Variants in KDELR2 observed in about 807,000 individuals in gnomAD.
KDELR2 encodes ER lumen protein-retaining receptor 2.
A neutral mutation model predicts 23.9 loss-of-function variants in KDELR2; 15 were observed. The ratio of observed to expected loss-of-function variants is 0.63; its 90% CI spans 0.42 to 0.97. The LOEUF is 0.97. Among genes scored for constraint, KDELR2 ranks in the 50% least tolerant of loss-of-function variants. KDELR2 has a pLI of 0.00. For missense variants in KDELR2, 272 were observed against 254.6 expected (o/e 1.07, Z -0.46); for synonymous variants, 119 against 106.2 (o/e 1.12, Z -0.74).
At chr7:6,464,734 C>CTTTTTTTT (rs201529691) in intron 4 of KDELR2, among the ~76,000 whole-genome samples, 1 of 111,232 alleles carries the variant, frequency 9.0e-6, no homozygotes, top group Non-Finnish European at 1.9e-5. Context: ...TCTTTTTTTT[C>CTTTTTTTT]TTTTTTTTTT....
At chr7:6,483,499 T>A (rs942238869) in intron 1 of KDELR2, among the ~76,000 whole-genome samples, 21 of 152,122 alleles carry the variant, frequency 1.4e-4, no homozygotes, top group Non-Finnish European at 5.9e-5. Flanking sequence ...CCTCCCGAGC[T>A]GGCTGGGCTG....
At position 6,484,005 on chromosome 7, in the gene KDELR2, A is replaced by G; in HGVS notation, c.53T>C (p.Ile18Thr). The change falls in exon 1 of 5, where the codon ATC (isoleucine) becomes ACC (threonine). Residue 18 changes from isoleucine to threonine, a missense_variant. Physicochemically the swap from Ile to Thr is moderately conservative, Grantham distance 89. Transcript: ENST00000258739. ...CGTCTTCCAGATCTTCAGCAGCAGG[A>G]TGACGATGGCCGCCAGGTGGGACAG... ...GDLSHLAAIV[I>T]LLLKIWKTRS... 6.5e-7 allele frequency: 1 copy of G among 1,530,922 alleles called. No homozygotes were observed. Among genetic ancestry groups the G allele is most frequent in the Non-Finnish European group, 8.8e-7 (1 of 1,136,682 alleles). The allele number at this position is 1,530,922 out of a possible 1,614,324, so 94.8% of individuals were successfully genotyped here. A position where few individuals can be genotyped will look rare whatever the true frequency, so the allele number is the denominator to read the frequency against.
At chr7:6,483,394 G>A (rs1021826441) in intron 1 of KDELR2, among the ~76,000 whole-genome samples, 14 of 152,300 alleles carry the variant, frequency 9.2e-5, no homozygotes, top group Non-Finnish European at 1.6e-4. Context: ...AACACTTAAG[G>A]ACAGGTCTGA....
chr7:6,474,863 C>T lies in KDELR2; in HGVS notation c.92-579G>A, dbSNP rs75709835. Reference sequence around the variant, plus strand: ...ACAAATTTTTTGTTCACCATGTTGCCCACACTGGTCTTGAACTCCTGGGCC... The same window carrying T: ...ACAAATTTTTTGTTCACCATGTTGCTCACACTGGTCTTGAACTCCTGGGCC... On this transcript the variant is annotated intron_variant, in intron 1 of 4. Transcript: ENST00000258739. Among the ~76,000 whole-genome samples the T allele has an allele frequency of 1.8e-3, 278 of 152,204 alleles. 1 individual carries two copies. The highest frequency in any genetic ancestry group is 6.4e-3 in the African/African-American group (265 of 41,522).
intron 1 of KDELR2, among the ~76,000 whole-genome samples, chr7:6,478,177 A>G (rs1460334891): frequency 4.0e-5 from 6 of 150,646 alleles, no homozygotes. Flanking sequence ...TTTTTTTGAG[A>G]CAGAACCTCA....
In KDELR2 at chr7:6,484,120, C is replaced by T. The variant is rs1302034326; in HGVS notation, c.-63G>A. On this transcript the variant is annotated 5_prime_UTR_variant, in exon 1 of 5. Coordinates refer to ENST00000258739, the MANE Select transcript of KDELR2 (RefSeq NM_006854.4). ...CCCCGGGGCTGGGCGGCTCAGGAGG[C>T]GGCGGCCCCTGAGAGGAAGCGGCGA... 43 of 1,216,940 alleles carry T rather than the reference C, an allele frequency of 3.5e-5. No homozygotes were observed. Among genetic ancestry groups the T allele is most frequent in the Admixed American group, 4.3e-5 (1 of 23,122 alleles). 75.4% of individuals were successfully genotyped at this position (1,216,940 alleles called of 1,614,324 possible).
chr7:6,483,927 C>T (rs1340029202), intron 1 of KDELR2, 40 bp downstream of exon 1: 1 of 1,427,972 alleles, frequency 7.0e-7, no homozygotes. Flanking sequence ...AGACCCGGCC[C>T]CCACGCCCGA....
chr7:6,468,225 C>A (rs1785543289), intron 3 of KDELR2, among the ~76,000 whole-genome samples: 1 of 152,172 alleles, frequency 6.6e-6, no homozygotes, highest in Non-Finnish European at 1.5e-5. Context: ...GAACATTGCA[C>A]TAGAGTTTGC....
rs374244486 is a variant in KDELR2 at position 6,463,017 on chromosome 7, A to G, written c.*124T>C. The G allele has an allele frequency of 9.0e-5, 146 of 1,614,222 alleles. No individual in the cohort carries two copies. The African/African-American group carries it at 1.6e-3, about 18-fold the overall frequency. On this transcript the variant is annotated 3_prime_UTR_variant, in exon 5 of 5. Transcript: ENST00000258739. ...CCTCTGCGTTTTTACAGAGCCACTG[A>G]TGACTATCTGCAACAAAAGAGTTAA...
At chr7:6,470,160 G>T (rs13239407) in intron 2 of KDELR2, 138,494 of 155,358 alleles carry the variant, frequency 0.89, 62,215 homozygotes, top group Non-Finnish European at 0.92. Context: ...CATCTGAGAG[G>T]CAACCAAACT....
At position 6,470,622 on chromosome 7, in the gene KDELR2, C is replaced by A. The variant is rs573742437; in HGVS notation, c.193-868G>T. On this transcript the variant is annotated intron_variant, in intron 2 of 4. Transcript: ENST00000258739. ...ATGTACCACAATAAACAATGTAGTA[C>A]AAAAGCACTCAGTGAGCCTGCTATA... Among the ~76,000 whole-genome samples, 8 of 152,180 alleles carry A rather than the reference C, an allele frequency of 5.3e-5. No homozygotes were observed. The East Asian group carries it at 1.5e-3, about 29-fold the overall frequency.
chr7:6,463,173 G>A lies in KDELR2; in HGVS notation c.607C>T (p.Leu203Phe). ...GGCAAACTGAGCTTCTTTCCCTTGA[G>A]TACTAGAATTTCAAAGAGAAGAAAA... ...DFFYLYITKVLKGKKLSLPA is the reference protein window; with the variant it reads ...DFFYLYITKVFKGKKLSLPA The change falls in exon 5 of 5, where the codon CTC (leucine) becomes TTC (phenylalanine). Residue 203 changes from leucine (L) to phenylalanine (F), a missense_variant and splice_region_variant. Physicochemically the swap from Leu to Phe is conservative, Grantham distance 22. Transcript: ENST00000258739. The A allele has an allele frequency of 6.2e-7, 1 of 1,607,938 alleles. No homozygotes were observed. The highest frequency in any genetic ancestry group is 8.5e-7 in the Non-Finnish European group (1 of 1,178,208).
At chr7:6,478,645 G>A (rs1332693217) in intron 1 of KDELR2, among the ~76,000 whole-genome samples, 2 of 151,998 alleles carry the variant, frequency 1.3e-5, no homozygotes, top group Non-Finnish European at 2.9e-5. Flanking sequence ...CTTTAGCTTT[G>A]ATACTATTCT....
intron 1 of KDELR2, among the ~76,000 whole-genome samples, chr7:6,480,026 A>G (rs908513148): frequency 9.9e-5 from 15 of 152,234 alleles, no homozygotes; most frequent in African/African-American, 3.6e-4. Flanking sequence ...GGACACCATA[A>G]GATCCAGTAT....
At chr7:6,471,248 C>A (rs1483965847) in intron 2 of KDELR2, among the ~76,000 whole-genome samples, 1 of 118,130 alleles carries the variant, frequency 8.5e-6, no homozygotes, top group East Asian at 3.0e-4. Context: ...GTGGCACAAT[C>A]TCGGCTCACT....
rs375982460 is a variant in KDELR2 at position 6,466,057 on chromosome 7, C to A, written c.604+14G>T. 3.1e-6 allele frequency: 5 copies of A among 1,612,160 alleles called. No homozygotes were observed. The South Asian group carries it at 3.3e-5, about 11-fold the overall frequency. On this transcript the variant is annotated intron_variant, in intron 4 of 4. Coordinates refer to ENST00000258739, the MANE Select transcript of KDELR2 (RefSeq NM_006854.4). ...ACGTCACTCTAGAAACAACGCAGGT[C>A]GCACCCAACATACCTTTTGTAATGT...
intron 3 of KDELR2, among the ~76,000 whole-genome samples, chr7:6,467,680 G>C (rs185483023): frequency 5.3e-5 from 8 of 152,248 alleles, no homozygotes; most frequent in Non-Finnish European, 1.2e-4. Context: ...AGAATCGCTT[G>C]AACCCAGGAG....
rs1785983797 is a variant in KDELR2, at chr7:6,484,137, A to C, written c.-80T>G. The C allele has an allele frequency of 4.4e-6, 5 of 1,127,716 alleles. No homozygotes were observed. Among genetic ancestry groups the C allele is most frequent in the Non-Finnish European group, 4.5e-6 (4 of 889,708 alleles). 69.9% of individuals were successfully genotyped at this position (1,127,716 alleles called of 1,614,324 possible). On this transcript the variant is annotated 5_prime_UTR_variant, in exon 1 of 5. Coordinates refer to ENST00000258739, the MANE Select transcript of KDELR2 (RefSeq NM_006854.4). ...TCAGGAGGCGGCGGCCCCTGAGAGG[A>C]AGCGGCGAAGATGGCGAGATCGCCC...
At chr7:6,464,802 A>C (rs1366599995) in intron 4 of KDELR2, among the ~76,000 whole-genome samples, 1 of 139,096 alleles carries the variant, frequency 7.2e-6, no homozygotes, top group African/African-American at 2.7e-5. Context: ...ATGGCGTGAT[A>C]TCAGCTCACT....
Sources: gnomAD v4.1 joint callset for allele counts (sites outside exome capture counted in the v4.1 genomes callset) on GRCh38, gnomAD v4.1.1 for gene constraint, MANE v1.5 for transcripts, NCBI Gene and HGNC (gene_info 2026-07-23, HGNC 2026-07-21) for gene names.